Variants in ARHGAP25 observed in about 807,000 individuals in gnomAD.
ARHGAP25 encodes the protein Rho GTPase activating protein 25.
ARHGAP25 carries 34 observed loss-of-function variants against 71.0 expected under a neutral mutation model. The ratio of observed to expected loss-of-function variants is 0.48; its 90% CI spans 0.36 to 0.64. ARHGAP25 has a LOEUF of 0.64. Ranked by LOEUF, ARHGAP25 falls within the 30% of genes least tolerant of loss-of-function variation. The pLI is 0.00. For missense variants in ARHGAP25, 706 were observed against 805.1 expected (o/e 0.88, Z 1.49); for synonymous variants, 282 against 296.5 (o/e 0.95, Z 0.50).
intron 5 of ARHGAP25, among the ~76,000 whole-genome samples, chr2:68,807,734 T>A (rs1680479834): frequency 6.6e-6 from 1 of 151,922 alleles, no homozygotes; most frequent in Admixed American, 6.6e-5. Flanking sequence ...CAGATTCAGG[T>A]GATGTTTAAG....
chr2:68,795,637 T>A (rs1469881646), intron 4 of ARHGAP25, among the ~76,000 whole-genome samples: 1 of 152,190 alleles, frequency 6.6e-6, no homozygotes, highest in East Asian at 1.9e-4. Flanking sequence ...ATACTTGATA[T>A]GATTTCAGTT....
intron 3 of ARHGAP25, among the ~76,000 whole-genome samples, chr2:68,782,523 A>G (rs150974123): frequency 3.2e-4 from 48 of 152,364 alleles, no homozygotes; most frequent in Admixed American, 3.9e-4. Context: ...AATAATGCCC[A>G]TGAAAGAAGT....
intron 2 of ARHGAP25, among the ~76,000 whole-genome samples, chr2:68,722,604 A>G (rs1023345832): frequency 6.6e-6 from 1 of 151,514 alleles, no homozygotes; most frequent in Non-Finnish European, 1.5e-5. Context: ...AATTTGCTAC[A>G]TTCCAGACAC....
intron 2 of ARHGAP25, among the ~76,000 whole-genome samples, chr2:68,777,243 C>G (rs907590824): frequency 2.2e-4 from 33 of 152,274 alleles, no homozygotes; most frequent in South Asian, 2.1e-3. Context: ...ATGAAAGGGG[C>G]AGCTGAGTGT....
chr2:68,796,898 T>G (rs1271215404), intron 4 of ARHGAP25, among the ~76,000 whole-genome samples: 4 of 152,146 alleles, frequency 2.6e-5, no homozygotes, highest in African/African-American at 7.2e-5. Flanking sequence ...GGTCATGAAA[T>G]GTTCTTCTAG....
intron 3 of ARHGAP25, among the ~76,000 whole-genome samples, chr2:68,783,162 C>T (rs960052288): frequency 1.3e-5 from 2 of 152,218 alleles, no homozygotes; most frequent in African/African-American, 4.8e-5. Flanking sequence ...TGGAGCTAGC[C>T]TGCCCTGACC....
At chr2:68,801,918 C>A (rs1385964845) in intron 4 of ARHGAP25, among the ~76,000 whole-genome samples, 1 of 152,156 alleles carries the variant, frequency 6.6e-6, no homozygotes, top group African/African-American at 2.4e-5. Context: ...AAAGCAAAAA[C>A]CATTTTTCAT....
intron 2 of ARHGAP25, among the ~76,000 whole-genome samples, chr2:68,711,976 C>T (rs1674493119): frequency 6.6e-6 from 1 of 152,140 alleles, no homozygotes; most frequent in East Asian, 1.9e-4. Flanking sequence ...AATAAACATA[C>T]ATTAGCATGT....
chr2:68,822,259 G>A, intron 9 of ARHGAP25, 81 bp from the exon 10 acceptor site: 1 of 1,385,640 alleles, frequency 7.2e-7, no homozygotes, highest in Non-Finnish European at 9.8e-7. Flanking sequence ...CTTTTGTTTT[G>A]GGGTCTCTAA....
chr2:68,792,963 A>G (rs1443391032), intron 4 of ARHGAP25, among the ~76,000 whole-genome samples: 1 of 152,166 alleles, frequency 6.6e-6, no homozygotes, highest in African/African-American at 2.4e-5. Context: ...GGTAATTGCC[A>G]TTCAGAGTGG....
In ARHGAP25 at chr2:68,783,453, G is replaced by GT. The variant is rs1678497617; in HGVS notation, c.349+1139dup. ...AGATGCTTGCTTGTTTGTTTTTTTT[G>GT]TTTTTTGTTTTTGTTTTTTTTTTTG... is the stretch of plus-strand genomic sequence containing the variant. On this transcript the variant is annotated intron_variant, in intron 3 of 10. Transcript: ENST00000409202. 2.0e-5 allele frequency among the ~76,000 whole-genome samples: 3 copies of GT among 150,952 alleles called. No homozygotes were observed. The South Asian group carries it at 6.3e-4, about 32-fold the overall frequency.
chr2:68,718,696 G>C (rs1285421116), intron 2 of ARHGAP25, among the ~76,000 whole-genome samples: 2 of 152,104 alleles, frequency 1.3e-5, no homozygotes, highest in African/African-American at 4.8e-5. Context: ...AAGTGGTACG[G>C]GTACTAGCAG....
At chr2:68,820,666 C>T (rs959271518) in intron 9 of ARHGAP25, among the ~76,000 whole-genome samples, 1 of 152,120 alleles carries the variant, frequency 6.6e-6, no homozygotes, top group Non-Finnish European at 1.5e-5. Context: ...AATATATGCA[C>T]ATGGTTCAAG....
At chr2:68,746,213 T>G (rs529465937) in intron 1 of ARHGAP25, among the ~76,000 whole-genome samples, 1 of 152,348 alleles carries the variant, frequency 6.6e-6, no homozygotes, top group South Asian at 2.1e-4. Context: ...TCACTCTCAC[T>G]GATAACATTC....
intron 10 of ARHGAP25, among the ~76,000 whole-genome samples, chr2:68,825,714 G>T (rs959142548): frequency 2.0e-5 from 3 of 152,178 alleles, no homozygotes; most frequent in Non-Finnish European, 4.4e-5. Context: ...GGCGGAGCTT[G>T]CAGTGAGCCG....
intron 3 of ARHGAP25, among the ~76,000 whole-genome samples, chr2:68,786,359 C>T (rs1481210009): frequency 6.6e-5 from 10 of 152,100 alleles, no homozygotes; most frequent in Admixed American, 2.6e-4. Context: ...TATGGGCCAG[C>T]GGAATCTTTC....
At chr2:68,760,831 G>C (rs1352612607) in intron 1 of ARHGAP25, among the ~76,000 whole-genome samples, 1 of 137,438 alleles carries the variant, frequency 7.3e-6, no homozygotes, top group Non-Finnish European at 1.6e-5. Flanking sequence ...TCATCCTAAA[G>C]TTCATATGGA....
At chr2:68,711,508 C>T (rs1161994892) in intron 2 of ARHGAP25, among the ~76,000 whole-genome samples, 1 of 152,028 alleles carries the variant, frequency 6.6e-6, no homozygotes, top group Non-Finnish European at 1.5e-5. Context: ...CATTCACAAC[C>T]TCCATCTTTT....
chr2:68,718,536 TG>T (rs1674674360), intron 2 of ARHGAP25, among the ~76,000 whole-genome samples: 1 of 151,846 alleles, frequency 6.6e-6, no homozygotes, highest in Non-Finnish European at 1.5e-5. Context: ...TATAAGTGTG[TG>T]TGTGTGTGTG....
Sources: allele counts gnomAD v4.1 joint callset (sites outside exome capture counted in the v4.1 genomes callset), GRCh38; gene constraint gnomAD v4.1.1; transcripts MANE v1.5; gene names NCBI Gene and HGNC (gene_info 2026-07-23, HGNC 2026-07-21).